The following SSH2 variants were observed in gnomAD, a reference collection of about 807,000 sequenced individuals.
SSH2 encodes slingshot protein phosphatase 2, also known as protein phosphatase Slingshot homolog 2.
In SSH2, 37 loss-of-function variants were observed where a neutral mutation model predicts 135.2. The observed-to-expected ratio is 0.27, with a 90% confidence interval of 0.21 to 0.36. The LOEUF is 0.36. Among genes scored for constraint, SSH2 ranks in the 10% least tolerant of loss-of-function variants. The probability of loss-of-function intolerance (pLI) is 1.00; values close to 1 mark genes in which losing one functional copy is unlikely to be tolerated. For synonymous variants in SSH2, 628 were observed against 646.2 expected (o/e 0.97, Z 0.43); for missense variants, 1,408 against 1,765.3 (o/e 0.80, Z 3.63).
chr17:29,750,583 C>T (rs1271825055), intron 3 of SSH2, among the ~76,000 whole-genome samples: 1 of 151,908 alleles, frequency 6.6e-6, no homozygotes, highest in Non-Finnish European at 1.5e-5. Flanking sequence ...GCTGCAGTGG[C>T]ACAATCATGG....
At chr17:29,802,816 C>CT in intron 2 of SSH2, among the ~76,000 whole-genome samples, 1 of 151,880 alleles carries the variant, frequency 6.6e-6, no homozygotes. Context: ...TGTTATGAGT[C>CT]TGCAATGATG....
In SSH2 at chr17:29,684,627, T is replaced by C. The variant is rs1385342543; in HGVS notation, c.415A>G (p.Thr139Ala). 1.2e-6 allele frequency: 2 copies of C among 1,613,720 alleles called. No individual in the cohort carries two copies. Among genetic ancestry groups the C allele is most frequent in the East Asian group, 2.2e-5 (1 of 44,870 alleles). ...NRTRYMVVVS[T>A]NGRQDTEESI... ...TCTTCAGTGTCTTGTCTACCATTAGTTGAAACCACTACCATATAGCGTGTT... is the reference window on the plus strand; with the variant it reads ...TCTTCAGTGTCTTGTCTACCATTAGCTGAAACCACTACCATATAGCGTGTT... The change falls in exon 6 of 16, where the codon ACT becomes GCT. Residue 139 changes from threonine to alanine, a missense_variant. Thr to Ala is a moderately conservative substitution (Grantham distance 58). Around this residue, in one of 3 missense-constraint regions of SSH2, gnomAD observed 222 missense variants for 355.6 expected, o/e 0.62. Coordinates refer to ENST00000540801, the MANE Select transcript of SSH2 (RefSeq NM_001282129.2).
At chr17:29,841,152 T>G (rs760192745) in intron 2 of SSH2, among the ~76,000 whole-genome samples, 39 of 152,326 alleles carry the variant, frequency 2.6e-4, no homozygotes, top group Middle Eastern at 3.4e-3. Context: ...GAAATAGTAC[T>G]GAGGAGTTGT....
At chr17:29,774,312 TGGAGTGCAATGGCG>T (rs1314771998) in intron 3 of SSH2, among the ~76,000 whole-genome samples, 1 of 152,142 alleles carries the variant, frequency 6.6e-6, no homozygotes, top group African/African-American at 2.4e-5. Flanking sequence ...TTGCCCAGGC[TGGAGTGCAATGGCG>T]GGATCTTGGC....
At chr17:29,845,846 C>T (rs2043124213) in intron 2 of SSH2, among the ~76,000 whole-genome samples, 1 of 152,030 alleles carries the variant, frequency 6.6e-6, no homozygotes, top group African/African-American at 2.4e-5. Context: ...AGGCATGACC[C>T]ACCGTGCCTG....
intron 1 of SSH2, among the ~76,000 whole-genome samples, chr17:29,914,571 A>AC (rs200217759): frequency 0.39 from 58,424 of 149,150 alleles, 13,831 homozygotes; most frequent in East Asian, 0.68. Context: ...AAAAAAAAAA[A>AC]AAACAAACAA....
At chr17:29,728,423 A>G (rs891919163) in intron 3 of SSH2, among the ~76,000 whole-genome samples, 1 of 152,238 alleles carries the variant, frequency 6.6e-6, no homozygotes, top group African/African-American at 2.4e-5. Flanking sequence ...AAAGGAAAAC[A>G]TATTCCATGT....
At chr17:29,927,913 T>G (rs1377859307) in intron 1 of SSH2, among the ~76,000 whole-genome samples, 1 of 152,240 alleles carries the variant, frequency 6.6e-6, no homozygotes, top group Non-Finnish European at 1.5e-5. Flanking sequence ...TAATTACCTA[T>G]GTCAAAAGTG....
chr17:29,650,561 C>T (rs1033638675), intron 13 of SSH2, 93 bp downstream of exon 13: 4 of 1,207,408 alleles, frequency 3.3e-6, no homozygotes, highest in African/African-American at 3.1e-5. Flanking sequence ...TCCTGAGTAC[C>T]ATCAGTAAGT....
intron 3 of SSH2, among the ~76,000 whole-genome samples, chr17:29,771,598 G>A (rs769304666): frequency 6.6e-6 from 1 of 152,088 alleles, no homozygotes; most frequent in African/African-American, 2.4e-5. Context: ...CTTGTTCTTT[G>A]GATAGATACC....
chr17:29,664,908 A>G (rs2037209099), intron 11 of SSH2, among the ~76,000 whole-genome samples: 1 of 152,208 alleles, frequency 6.6e-6, no homozygotes, highest in African/African-American at 2.4e-5. Context: ...GGAAGCATGC[A>G]TGAAATAAAA....
intron 2 of SSH2, among the ~76,000 whole-genome samples, chr17:29,815,999 C>T (rs1424426595): frequency 6.6e-6 from 1 of 152,164 alleles, no homozygotes; most frequent in East Asian, 1.9e-4. Flanking sequence ...CAGGCGCGCA[C>T]CACCACATCT....
At chr17:29,847,669 A>G (rs1346092835) in intron 2 of SSH2, among the ~76,000 whole-genome samples, 1 of 152,212 alleles carries the variant, frequency 6.6e-6, no homozygotes, top group Non-Finnish European at 1.5e-5. Context: ...TCTGGTCACA[A>G]CACTGCTGAA....
intron 1 of SSH2, among the ~76,000 whole-genome samples, chr17:29,871,594 TAAAATAAATAAG>T (rs377511454): frequency 1.1e-3 from 160 of 152,294 alleles, no homozygotes; most frequent in African/African-American, 3.8e-3. Flanking sequence ...TTTGATTTTT[TAAAATAAATAAG>T]AAAATAAATC....
At chr17:29,810,928 T>C (rs1445562254) in intron 2 of SSH2, among the ~76,000 whole-genome samples, 1 of 152,184 alleles carries the variant, frequency 6.6e-6, no homozygotes, top group Non-Finnish European at 1.5e-5. Context: ...ATGATTTTTT[T>C]TTGTAATTTT....
At chr17:29,699,951 T>G (rs544267519) in intron 4 of SSH2, among the ~76,000 whole-genome samples, 6 of 152,166 alleles carry the variant, frequency 3.9e-5, no homozygotes, top group Non-Finnish European at 8.8e-5. Flanking sequence ...AAATTTTCCA[T>G]GGCTGGAGAG....
At chr17:29,744,194 C>T (rs1424638333) in intron 3 of SSH2, among the ~76,000 whole-genome samples, 2 of 147,630 alleles carry the variant, frequency 1.4e-5, no homozygotes, top group South Asian at 2.4e-4. Context: ...GGCCCGCTGC[C>T]GGGGGTGAGG....
chr17:29,756,534 A>T (rs993846181), intron 3 of SSH2, among the ~76,000 whole-genome samples: 1 of 133,796 alleles, frequency 7.5e-6, no homozygotes, highest in African/African-American at 2.8e-5. Flanking sequence ...GTCCTGCTAC[A>T]TTGCCTGGGC....
At chr17:29,648,120 A>G (rs2036450927) in intron 14 of SSH2, 24 bp downstream of exon 14, 2 of 1,609,134 alleles carry the variant, frequency 1.2e-6, no homozygotes, top group Non-Finnish European at 1.7e-6. Flanking sequence ...AAGGAGGGAG[A>G]ATTGGAGAAA....
Sources: gnomAD v4.1 joint callset for allele counts (sites outside exome capture counted in the v4.1 genomes callset) on GRCh38, gnomAD v4.1.1 for gene constraint, gnomAD v4.1.1 regional missense constraint, MANE v1.5 for transcripts, NCBI Gene and HGNC (gene_info 2026-07-23, HGNC 2026-07-21) for gene names.